Variants in KLHL38 observed in about 807,000 individuals in gnomAD.
KLHL38 encodes the protein kelch like family member 38, also known as kelch-like protein 38.
KLHL38 carries 38 observed loss-of-function variants against 39.6 expected under a neutral mutation model. That is an observed-to-expected ratio of 0.96 (90% CI 0.74 to 1.26). The LOEUF is 1.26. Ranked by LOEUF, KLHL38 falls within the 50% of genes most tolerant of loss-of-function variation. The pLI, the probability that KLHL38 is intolerant of heterozygous loss-of-function variation, is 0.00. For synonymous variants in KLHL38, 322 were observed against 302.2 expected, an observed-to-expected ratio of 1.07 and a Z score of -0.68; for missense variants, 803 against 748.1, an observed-to-expected ratio of 1.07 and a Z score of -0.86.
At chr8:123,649,809 C>T (rs1036375989) in intron 2 of KLHL38, among the ~76,000 whole-genome samples, 3 of 152,140 alleles carry the variant, frequency 2.0e-5, no homozygotes, top group African/African-American at 7.2e-5. Flanking sequence ...CTGATGCCCG[C>T]CCCTAGCCAC....
In KLHL38 at chr8:123,652,141, CAA is replaced by C; in HGVS notation, c.784_785del (p.Leu262ValfsTer120). On this transcript the variant is annotated frameshift_variant, in exon 2 of 4. Transcript: ENST00000684634. LOFTEE classifies it high-confidence loss of function. Reference protein sequence around the residue: ...LETAKRQMFSLCGTTVPDCKL... With the variant: ...LETAKRQMFSXCGTTVPDCKL... ...TGCAGTCTGGGACGGTGGTGCCACA[CAA>C]AGAGAACATCTGTCTCTTGGCGGTC... 6.2e-7 allele frequency: 1 copy of C among 1,614,136 alleles called. No homozygotes were observed. Among genetic ancestry groups the C allele is most frequent in the Non-Finnish European group, 8.5e-7 (1 of 1,180,028 alleles).
At position 123,645,887 on chromosome 8, in the gene KLHL38, G is replaced by A. The variant is rs370062375; in HGVS notation, c.1598C>T (p.Thr533Met). 119 of 1,613,996 alleles carry A rather than the reference G, an allele frequency of 7.4e-5. No individual in the cohort carries two copies. Among genetic ancestry groups the A allele is most frequent in the Non-Finnish European group, 9.3e-5 (110 of 1,180,040 alleles). ...GGCGGAGTCCTCAATGTTGCAGTCCGTGGTCAGCCGCCGCCCGCCCGTCAC... is the reference window on the plus strand; with the variant it reads ...GGCGGAGTCCTCAATGTTGCAGTCCATGGTCAGCCGCCGCCCGCCCGTCAC... ...LYVTGGRRLT[T>M]DCNIEDSASF... The change falls in exon 4 of 4, where the codon ACG becomes ATG. Residue 533 changes from threonine (T) to methionine (M), a missense_variant. Physicochemically the swap from Thr to Met is moderately conservative, Grantham distance 81. Coordinates refer to ENST00000684634, the MANE Select transcript of KLHL38 (RefSeq NM_001081675.3).
At chr8:123,650,718 T>C (rs376579636) in intron 2 of KLHL38, among the ~76,000 whole-genome samples, 1 of 152,176 alleles carries the variant, frequency 6.6e-6, no homozygotes, top group African/African-American at 2.4e-5. Flanking sequence ...GTTAGTGAAA[T>C]TAATGTCTGC....
chr8:123,645,825 T>C lies in KLHL38; in HGVS notation c.1660A>G (p.Thr554Ala). 6.2e-7 allele frequency: 1 copy of C among 1,613,452 alleles called. No homozygotes were observed. The highest frequency in any genetic ancestry group is 8.5e-7 in the Non-Finnish European group (1 of 1,179,850). ...DCYDPETDTWTSQGQLPHKLF... is the reference protein window; with the variant it reads ...DCYDPETDTWASQGQLPHKLF... The stretch of plus-strand genomic sequence containing the variant: ...TTGTGCGGCAGCTGTCCCTGGGATG[T>C]CCAGGTGTCCGTCTCGGGGTCGTAG... The change falls in exon 4 of 4, where the codon ACA (threonine) becomes GCA (alanine). Residue 554 changes from threonine to alanine, a missense_variant. Transcript: ENST00000684634.
At position 123,645,840 on chromosome 8, in the gene KLHL38, C is replaced by A. The variant is rs368744338; in HGVS notation, c.1645G>T (p.Glu549Ter). ...DSASFDCYDP[E>*]TDTWTSQGQL... ...CCCTGGGATGTCCAGGTGTCCGTCT[C>A]GGGGTCGTAGCAATCGAAGGAGGCG... Residue 549 changes from glutamate (E) to a stop codon, truncating the protein, a stop_gained, in exon 4 of 4, where the codon GAG (glutamate) becomes TAG (stop). Transcript: ENST00000684634. LOFTEE classifies it high-confidence loss of function. 5.0e-6 allele frequency: 8 copies of A among 1,613,814 alleles called. No homozygotes were observed. In the East Asian group the frequency reaches 1.6e-4, roughly 31 times the overall value.
Position 123,651,933 on chromosome 8 carries a change from G to C in KLHL38, c.994C>G (p.Arg332Gly). 1 of 1,614,230 alleles carries C rather than the reference G, an allele frequency of 6.2e-7. No homozygotes were observed. The highest frequency in any genetic ancestry group is 8.5e-7 in the Non-Finnish European group (1 of 1,180,044). Residue 332 changes from arginine to glycine, a missense_variant, in exon 2 of 4, where the codon CGC becomes GGC. Physicochemically the swap from Arg to Gly is moderately radical, Grantham distance 125. Coordinates refer to ENST00000684634, the MANE Select transcript of KLHL38 (RefSeq NM_001081675.3). ...ATGCCCCCCAGCACATAGATGCTGC[G>C]GTGCAAGGTGATGGCAGAGGCCTTG... ...LYKASAITLH[R>G]SIYVLGGMAV...
At chr8:123,653,074 T>G (rs1004272942) in intron 1 of KLHL38, 147 bp from the exon 2 acceptor site, 18 of 804,960 alleles carry the variant, frequency 2.2e-5, no homozygotes, top group Non-Finnish European at 3.2e-5. Flanking sequence ...ATGGATATTG[T>G]GTAGGGAAGA....
chr8:123,646,104 C>T (rs1818661693), intron 3 of KLHL38, 76 bp from the exon 4 acceptor site: 1 of 1,315,874 alleles, frequency 7.6e-7, no homozygotes, highest in Non-Finnish European at 1.1e-6. Flanking sequence ...TGGGACGCGT[C>T]TGACTCCTGC....
chr8:123,651,205 G>T (rs1812635445), intron 2 of KLHL38, among the ~76,000 whole-genome samples: 1 of 152,182 alleles, frequency 6.6e-6, no homozygotes, highest in Non-Finnish European at 1.5e-5. Context: ...ACATGTGTGT[G>T]CATGTATGCA....
intron 3 of KLHL38, among the ~76,000 whole-genome samples, chr8:123,646,413 A>T (rs534633835): frequency 1.3e-5 from 2 of 152,354 alleles, no homozygotes; most frequent in Non-Finnish European, 2.9e-5. Flanking sequence ...AGTTACTTTT[A>T]GGATCCTCGT....
At chr8:123,647,065 G>A in intron 2 of KLHL38, 51 bp from the exon 3 acceptor site, 3 of 1,045,024 alleles carry the variant, frequency 2.9e-6, no homozygotes, top group Admixed American at 3.9e-5. Flanking sequence ...AAATATTCTT[G>A]AAAAAAGACA....
In KLHL38 at chr8:123,645,773, A is replaced by T. The variant is rs1471717804; in HGVS notation, c.1712T>A (p.Leu571His). Residue 571 changes from leucine (L) to histidine (H), a missense_variant, in exon 4 of 4, where the codon CTC becomes CAC. Coordinates refer to ENST00000684634, the MANE Select transcript of KLHL38 (RefSeq NM_001081675.3). Reference protein sequence around the residue: ...HKLFDHACLTLQCIPRTSGLP With the variant: ...HKLFDHACLTHQCIPRTSGLP ...GCCAGACGTGCGGGGTATGCACTGG[A>T]GAGTGAGGCAGGCATGGTCAAAGAG... 18 of 1,613,326 alleles carry T rather than the reference A, an allele frequency of 1.1e-5. No individual in the cohort carries two copies. Among genetic ancestry groups the T allele is most frequent in the Non-Finnish European group, 1.5e-5 (18 of 1,179,946 alleles).
At position 123,644,985 on chromosome 8, in the gene KLHL38, A is replaced by G. The variant is rs1818631676; in HGVS notation, c.*754T>C. Among the ~76,000 whole-genome samples the G allele has an allele frequency of 6.6e-6, 1 of 152,074 alleles. No individual in the cohort carries two copies. The highest frequency in any genetic ancestry group is 2.1e-4 in the South Asian group (1 of 4,816). ...GTGTGGGTAAATGAAGAAGATTGCTAGAGAGAGAGGAAAACCTAGGGATGA... is the reference window on the plus strand; with the variant it reads ...GTGTGGGTAAATGAAGAAGATTGCTGGAGAGAGAGGAAAACCTAGGGATGA... On this transcript the variant is annotated 3_prime_UTR_variant, in exon 4 of 4. Transcript: ENST00000684634.
At chr8:123,652,967 C>T in intron 1 of KLHL38, 40 bp from the exon 2 acceptor site, 1 of 1,547,730 alleles carries the variant, frequency 6.5e-7, no homozygotes, top group Non-Finnish European at 8.7e-7. Context: ...CAGCAAGAGT[C>T]AAACCTTTCT....
At chr8:123,652,960 C>T in intron 1 of KLHL38, 33 bp from the exon 2 acceptor site, 1 of 1,554,608 alleles carries the variant, frequency 6.4e-7, no homozygotes. Context: ...CCAGAGTCAG[C>T]AAGAGTCAAA....
chr8:123,648,828 G>C (rs1281437898), intron 2 of KLHL38, among the ~76,000 whole-genome samples: 2 of 152,114 alleles, frequency 1.3e-5, no homozygotes, highest in Non-Finnish European at 2.9e-5. Context: ...TGAAAAGAAC[G>C]CACACACACA....
chr8:123,646,003 A>G lies in KLHL38; in HGVS notation c.1482T>C (p.Tyr494=), dbSNP rs1184390821. ...TGACAAATTTGTTGGATTGAGGGTC[A>G]TAAGCAAGAATCCTCCTTGTGTAAC... ...VGGYTRRILA[Y]DPQSNKFVKC... is the part of the protein sequence containing the mutation. The change falls in exon 4 of 4, where the codon TAT becomes TAC. Residue 494 remains tyrosine (Y), a synonymous_variant. Transcript: ENST00000684634. 2 of 1,614,068 alleles carry G rather than the reference A, an allele frequency of 1.2e-6. No individual in the cohort carries two copies. The highest frequency in any genetic ancestry group is 1.7e-6 in the Non-Finnish European group (2 of 1,180,020).
In KLHL38 at chr8:123,652,231, A is replaced by C. The variant is rs757701713; in HGVS notation, c.696T>G (p.Phe232Leu). 3.7e-6 allele frequency: 6 copies of C among 1,614,048 alleles called. No homozygotes were observed. Among genetic ancestry groups the C allele is most frequent in the Non-Finnish European group, 5.1e-6 (6 of 1,180,028 alleles). The change falls in exon 2 of 4, where the codon TTT becomes TTG. Residue 232 changes from phenylalanine to leucine, a missense_variant. By Grantham distance (22) the Phe-to-Leu change is conservative (BLOSUM62 0). Coordinates refer to ENST00000684634, the MANE Select transcript of KLHL38 (RefSeq NM_001081675.3). The stretch of plus-strand genomic sequence containing the variant: ...GGGCATCGTTGGCGATGAAGTGGTG[A>C]AAGAAGGCTGGGTGGATGTACTGCA... ...VRLQYIHPAF[F>L]HHFIANDALL...
intron 3 of KLHL38, 61 bp downstream of exon 3, chr8:123,646,848 C>CT: frequency 8.6e-7 from 1 of 1,169,430 alleles, no homozygotes; most frequent in Non-Finnish European, 1.3e-6. Context: ...TATGAGTGAC[C>CT]TTTTTTCCAT....
Sources: gnomAD v4.1 joint callset for allele counts (sites outside exome capture counted in the v4.1 genomes callset) on GRCh38, gnomAD v4.1.1 for gene constraint, MANE v1.5 for transcripts, NCBI Gene and HGNC (gene_info 2026-07-23, HGNC 2026-07-21) for gene names.